The following EPM2A variants were observed in gnomAD, a reference collection of about 807,000 sequenced individuals.
The protein encoded by EPM2A is EPM2A glucan phosphatase, laforin.
A neutral mutation model predicts 26.5 loss-of-function variants in EPM2A; 21 were observed. The ratio of observed to expected loss-of-function variants is 0.79; its 90% CI spans 0.56 to 1.14. EPM2A has a LOEUF of 1.14. Ranked by LOEUF, EPM2A falls within the 50% of genes most tolerant of loss-of-function variation. EPM2A has a pLI of 0.00. For missense variants in EPM2A, 458 were observed against 440.8 expected (o/e 1.04, Z -0.35); for synonymous variants, 217 against 177.6 (o/e 1.22, Z -1.76).
At chr6:145,730,887 G>A (rs940080338) in intron 1 of EPM2A, among the ~76,000 whole-genome samples, 4 of 152,176 alleles carry the variant, frequency 2.6e-5, no homozygotes, top group Admixed American at 6.5e-5. Context: ...TCAGCCTGGA[G>A]AGGAGTTGAA....
rs146043757 is a variant in EPM2A at position 145,445,862 on chromosome 6, G to A, written c.555+56660C>T. Among the ~76,000 whole-genome samples the A allele has an allele frequency of 2.5e-4, 38 of 152,220 alleles. 1 individual carries two copies. In the East Asian group the frequency reaches 6.2e-3, roughly 25 times the overall value. On this transcript the variant is annotated intron_variant, in intron 4 of 4. Transcript: ENST00000638717. ...TCTATGTCTTCTTCCCTTCAATCTG[G>A]TTTATGCTTAGTATAGCAAAAAAGC...
chr6:145,457,493 A>AG (rs1299041319), intron 4 of EPM2A, among the ~76,000 whole-genome samples: 1 of 151,854 alleles, frequency 6.6e-6, no homozygotes, highest in Admixed American at 6.6e-5. Flanking sequence ...AAAAAAAAAA[A>AG]AAAAAGAAAA....
chr6:145,446,186 A>G (rs572756842), intron 4 of EPM2A, among the ~76,000 whole-genome samples: 3 of 152,274 alleles, frequency 2.0e-5, no homozygotes, highest in East Asian at 3.9e-4. Context: ...CAACCATATA[A>G]AAGACCCTAA....
At chr6:145,647,184 A>G (rs553497712) in intron 2 of EPM2A, among the ~76,000 whole-genome samples, 2 of 152,210 alleles carry the variant, frequency 1.3e-5, no homozygotes, top group Admixed American at 6.5e-5. Context: ...TCGCTTTTAT[A>G]TAAAGTTCAA....
chr6:145,619,723 T>A (rs992398689), intron 2 of EPM2A, among the ~76,000 whole-genome samples: 8 of 151,904 alleles, frequency 5.3e-5, no homozygotes, highest in African/African-American at 1.5e-4. Context: ...AAAAAAAAAA[T>A]TTAAGAACAC....
intron 1 of EPM2A, among the ~76,000 whole-genome samples, chr6:145,726,128 A>G (rs1350040235): frequency 6.6e-6 from 1 of 152,056 alleles, no homozygotes; most frequent in Non-Finnish European, 1.5e-5. Context: ...AGTGCCAGAA[A>G]GTAAGGAAGT....
chr6:145,665,668 G>C (rs1285678704), intron 2 of EPM2A, among the ~76,000 whole-genome samples: 2 of 145,028 alleles, frequency 1.4e-5, no homozygotes, highest in Non-Finnish European at 3.0e-5. Context: ...ATTTTATGAG[G>C]CCAGCATCAT....
intron 1 of EPM2A, among the ~76,000 whole-genome samples, chr6:145,691,610 T>A (rs2128619034): frequency 6.6e-6 from 1 of 152,132 alleles, no homozygotes; most frequent in South Asian, 2.1e-4. Flanking sequence ...GTAAAGGAAA[T>A]ATTTAAGGCA....
chr6:145,427,359 A>G (rs1778865481), intron 4 of EPM2A, among the ~76,000 whole-genome samples: 1 of 152,148 alleles, frequency 6.6e-6, no homozygotes, highest in Non-Finnish European at 1.5e-5. Flanking sequence ...GCAGAGTGTA[A>G]CAGAGTAAAA....
chr6:145,554,479 G>GAGAGAC (rs2114807666), intron 2 of EPM2A, among the ~76,000 whole-genome samples: 1 of 149,630 alleles, frequency 6.7e-6, no homozygotes, highest in Admixed American at 6.6e-5. Context: ...TACATAGACA[G>GAGAGAC]AGAGACAGAT....
chr6:145,566,469 TTC>T (rs1387811837), intron 2 of EPM2A, among the ~76,000 whole-genome samples: 1 of 152,208 alleles, frequency 6.6e-6, no homozygotes, highest in African/African-American at 2.4e-5. Context: ...TCTGAGTCTG[TTC>T]TCTCACCTGT....
intron 4 of EPM2A, among the ~76,000 whole-genome samples, chr6:145,493,552 C>A (rs1779781367): frequency 6.6e-6 from 1 of 152,176 alleles, no homozygotes; most frequent in African/African-American, 2.4e-5. Flanking sequence ...GAGAGGGCAT[C>A]CTTGCCTTGT....
intron 2 of EPM2A, among the ~76,000 whole-genome samples, chr6:145,672,489 A>G (rs1439663677): frequency 6.6e-6 from 1 of 152,238 alleles, no homozygotes; most frequent in Admixed American, 6.5e-5. Flanking sequence ...AATCTCCAAC[A>G]GGCTCAGAAA....
chr6:145,542,715 TG>T (rs1780530034), intron 2 of EPM2A, among the ~76,000 whole-genome samples: 1 of 152,152 alleles, frequency 6.6e-6, no homozygotes, highest in South Asian at 2.1e-4. Context: ...CTTTATTTTT[TG>T]TTAGTTTGTT....
chr6:145,563,462 T>C (rs1469092198), intron 2 of EPM2A, among the ~76,000 whole-genome samples: 2 of 151,626 alleles, frequency 1.3e-5, no homozygotes, highest in East Asian at 3.9e-4. Flanking sequence ...CAGAGGAAGA[T>C]GCGGTTAGAG....
intron 4 of EPM2A, among the ~76,000 whole-genome samples, chr6:145,421,301 T>C (rs1778777862): frequency 6.6e-6 from 1 of 152,308 alleles, no homozygotes; most frequent in South Asian, 2.1e-4. Flanking sequence ...TGAGGGGTAC[T>C]TGAATTTTCA....
chr6:145,454,870 C>T (rs1779239655), intron 4 of EPM2A, among the ~76,000 whole-genome samples: 1 of 152,146 alleles, frequency 6.6e-6, no homozygotes, highest in Admixed American at 6.5e-5. Context: ...TGGTATATAA[C>T]TCATCTCCTT....
chr6:145,635,220 G>A (rs780079405), intron 3 of EPM2A, 25 bp downstream of exon 3: 1 of 1,613,944 alleles, frequency 6.2e-7, no homozygotes, highest in Non-Finnish European at 8.5e-7. Context: ...ATACAGCAAG[G>A]AGGCAGAACA....
intron 2 of EPM2A, among the ~76,000 whole-genome samples, chr6:145,644,194 G>A (rs141689352): frequency 1.2e-3 from 177 of 152,280 alleles, no homozygotes; most frequent in African/African-American, 3.8e-3. Flanking sequence ...AGAAAGACAA[G>A]CATTGTATCT....
Sources: allele counts gnomAD v4.1 joint callset (sites outside exome capture counted in the v4.1 genomes callset), GRCh38; gene constraint gnomAD v4.1.1; transcripts MANE v1.5; gene names NCBI Gene and HGNC (gene_info 2026-07-23, HGNC 2026-07-21).